BAZ2B: variants seen among roughly 807,000 people sequenced by gnomAD.
BAZ2B encodes bromodomain adjacent to zinc finger domain 2B.
In BAZ2B, 91 loss-of-function variants were observed where a neutral mutation model predicts 246.0. The ratio of observed to expected loss-of-function variants is 0.37; its 90% CI spans 0.31 to 0.44. BAZ2B has a LOEUF of 0.44. BAZ2B is among the 20% of genes least tolerant of loss of function. The probability of loss-of-function intolerance (pLI) is 1.00; values close to 1 mark genes in which losing one functional copy is unlikely to be tolerated. For synonymous variants in BAZ2B, 855 were observed against 860.0 expected (o/e 0.99, Z 0.10); for missense variants, 2,332 against 2,533.7 (o/e 0.92, Z 1.71).
Position 159,354,006 on chromosome 2 carries a change from G to GA in BAZ2B, c.4214-3650dup, listed in dbSNP as rs528470858. On this transcript the variant is annotated intron_variant, in intron 27 of 36. Coordinates refer to ENST00000392783, the MANE Select transcript of BAZ2B (RefSeq NM_013450.4). ...TCAAAGTTAGCAGGCATGCAAAGAA[G>GA]AAAAAAAAACAAGACATATACTTTT... Among the ~76,000 whole-genome samples, 194 of 149,760 alleles carry GA rather than the reference G, an allele frequency of 1.3e-3. 2 individuals carry two copies. Among genetic ancestry groups the GA allele is most frequent in the African/African-American group, 4.2e-3 (172 of 40,848 alleles).
At chr2:159,372,573 C>T (rs2060968869) in intron 27 of BAZ2B, among the ~76,000 whole-genome samples, 1 of 152,048 alleles carries the variant, frequency 6.6e-6, no homozygotes, top group Non-Finnish European at 1.5e-5. Flanking sequence ...AGGAAGAAGT[C>T]TGAAGGAGAA....
intron 34 of BAZ2B, among the ~76,000 whole-genome samples, chr2:159,331,763 T>A (rs1197667016): frequency 2.0e-5 from 3 of 152,178 alleles, no homozygotes; most frequent in Non-Finnish European, 4.4e-5. Flanking sequence ...GAGAATTGTA[T>A]TAACCAGAAT....
At chr2:159,671,867 T>C in the BAZ2B span, among the ~76,000 whole-genome samples, 2 of 152,284 alleles carry the variant, frequency 1.3e-5, no homozygotes, top group South Asian at 4.1e-4. Context: ...ATCCTAACTG[T>C]ATGTAATATT....
At chr2:159,637,285 A>G in the BAZ2B span, among the ~76,000 whole-genome samples, 1 of 152,172 alleles carries the variant, frequency 6.6e-6, no homozygotes, top group African/African-American at 2.4e-5. Context: ...GAATTTCTGG[A>G]CCTGCCCTGG....
intron 13 of BAZ2B, among the ~76,000 whole-genome samples, chr2:159,422,609 A>G (rs1175400965): frequency 6.6e-6 from 1 of 152,132 alleles, no homozygotes; most frequent in Non-Finnish European, 1.5e-5. Flanking sequence ...TGTATTAAAG[A>G]CTTAAATTCC....
chr2:159,519,226 T>TA, intron 2 of BAZ2B, among the ~76,000 whole-genome samples: 3 of 48,122 alleles, frequency 6.2e-5, no homozygotes, highest in Non-Finnish European at 1.1e-4. Flanking sequence ...TTTTTTTTTT[T>TA]TTTTTTTTTT....
chr2:159,501,799 C>G (rs540770258), intron 2 of BAZ2B, among the ~76,000 whole-genome samples: 18 of 152,132 alleles, frequency 1.2e-4, no homozygotes, highest in Non-Finnish European at 2.1e-4. Context: ...CAATTCAACT[C>G]TTAGGTAGAA....
At chr2:159,621,816 T>C in the BAZ2B span, among the ~76,000 whole-genome samples, 41 of 150,248 alleles carry the variant, frequency 2.7e-4, no homozygotes, top group Non-Finnish European at 5.0e-4. Flanking sequence ...AAATTAAAAT[T>C]AGCTAGGTGC....
intron 1 of BAZ2B, among the ~76,000 whole-genome samples, chr2:159,557,575 T>C (rs1303644286): frequency 1.3e-5 from 2 of 152,120 alleles, no homozygotes; most frequent in Non-Finnish European, 2.9e-5. Context: ...CATATCTTCA[T>C]AGGACTGGTT....
At chr2:159,406,696 C>A (rs1366284674) in intron 14 of BAZ2B, among the ~76,000 whole-genome samples, 1 of 152,142 alleles carries the variant, frequency 6.6e-6, no homozygotes, top group Non-Finnish European at 1.5e-5. Flanking sequence ...ATCACTTGAG[C>A]TCTAAAAATT....
chr2:159,706,838 T>C, the BAZ2B span, among the ~76,000 whole-genome samples: 1 of 152,186 alleles, frequency 6.6e-6, no homozygotes, highest in South Asian at 2.1e-4. Flanking sequence ...TTTGTAGAAG[T>C]GGTTAATATC....
chr2:159,696,809 G>A, the BAZ2B span, among the ~76,000 whole-genome samples: 8 of 151,994 alleles, frequency 5.3e-5, no homozygotes, highest in Non-Finnish European at 7.4e-5. Context: ...GTTCTGAGAC[G>A]GAGTCTTGCT....
chr2:159,669,520 G>C, the BAZ2B span, among the ~76,000 whole-genome samples: 2 of 152,002 alleles, frequency 1.3e-5, no homozygotes, highest in African/African-American at 2.4e-5. Context: ...ACTGAGAAGG[G>C]GGTGTTAAAA....
intron 2 of BAZ2B, among the ~76,000 whole-genome samples, chr2:159,510,243 T>C (rs1220410717): frequency 1.3e-5 from 2 of 152,064 alleles, no homozygotes; most frequent in African/African-American, 4.8e-5. Flanking sequence ...AGTGCAGTGG[T>C]GCGATCACAG....
chr2:159,596,486 C>T lies in BAZ2B; in HGVS notation c.-46+19756G>A, dbSNP rs183626495. On this transcript the variant is annotated intron_variant, in intron 1 of 36. Transcript: ENST00000392783. ...TATAGCAGCTAACATAGAAAAGAAG[C>T]TACCAAACATTTTATTTTTGTTTTT... 2.5e-3 allele frequency among the ~76,000 whole-genome samples: 376 copies of T among 152,212 alleles called. 2 individuals carry two copies. The highest frequency in any genetic ancestry group is 8.7e-3 in the African/African-American group (360 of 41,528).
At chr2:159,528,637 C>T (rs1160954926) in intron 2 of BAZ2B, among the ~76,000 whole-genome samples, 2 of 150,142 alleles carry the variant, frequency 1.3e-5, no homozygotes, top group South Asian at 4.2e-4. Context: ...AAGCCAAGCT[C>T]GCGCCACTGT....
chr2:159,378,555 T>G (rs1223094629), intron 25 of BAZ2B, among the ~76,000 whole-genome samples: 2 of 152,182 alleles, frequency 1.3e-5, no homozygotes, highest in African/African-American at 4.8e-5. Flanking sequence ...ATCATATATT[T>G]GATAAGGGGT....
intron 19 of BAZ2B, 61 bp downstream of exon 19, chr2:159,397,284 T>C (rs2064173082): frequency 3.7e-6 from 5 of 1,353,982 alleles, no homozygotes; most frequent in Non-Finnish European, 5.1e-6. Context: ...TTCCCCCAAA[T>C]AGGTTTAAGC....
At chr2:159,698,388 G>A in the BAZ2B span, among the ~76,000 whole-genome samples, 66 of 151,690 alleles carry the variant, frequency 4.4e-4, no homozygotes, top group African/African-American at 1.5e-3. Context: ...GGGCATGGTA[G>A]CGTGCACCTA....
Sources: allele counts gnomAD v4.1 joint callset (sites outside exome capture counted in the v4.1 genomes callset), GRCh38; gene constraint gnomAD v4.1.1; transcripts MANE v1.5; gene names NCBI Gene and HGNC (gene_info 2026-07-23, HGNC 2026-07-21).